Variants in PHF8 observed in about 807,000 individuals in gnomAD.
PHF8 encodes the protein PHD finger protein 8.
PHF8 carries 9 observed loss-of-function variants against 74.4 expected under a neutral mutation model. The ratio of observed to expected loss-of-function variants is 0.12; its 90% CI spans 0.07 to 0.21. The LOEUF is 0.21. PHF8 is among the 10% of genes least tolerant of loss of function. The probability of loss-of-function intolerance (pLI) is 1.00; values close to 1 mark genes in which losing one functional copy is unlikely to be tolerated. For synonymous variants in PHF8, 311 were observed against 316.6 expected, an observed-to-expected ratio of 0.98 and a Z score of 0.19; for missense variants, 478 against 816.6, an observed-to-expected ratio of 0.59 and a Z score of 5.05.
chrX:53,962,825 G>C lies in PHF8; in HGVS notation c.2539+19C>G. On this transcript the variant is annotated intron_variant, in intron 19 of 21. Coordinates refer to ENST00000338154, the MANE Select transcript of PHF8 (RefSeq NM_015107.3). ...CCTGACCACCCCTACAGAGTTTAAG[G>C]GACAAAATACTAGATTACCTTTAGG... 5 of 989,491 alleles carry C rather than the reference G, an allele frequency of 5.1e-6. No individual in the cohort carries two copies. Among genetic ancestry groups the C allele is most frequent in the Non-Finnish European group, 5.8e-6 (4 of 693,311 alleles). The allele number at this position is 989,491 out of a possible 1,213,427, so 81.5% of individuals were successfully genotyped here. A position where few individuals can be genotyped will look rare whatever the true frequency, so the allele number is the denominator to read the frequency against.
At chrX:53,986,754 G>A (rs781928145) in intron 16 of PHF8, among the ~76,000 whole-genome samples, 193 of 110,204 alleles carry the variant, frequency 1.8e-3, no homozygotes, top group African/African-American at 5.8e-3. Context: ...GCAACACAGC[G>A]AGACCCTATC....
chrX:54,022,395 G>A, intron 3 of PHF8, 28 bp from the exon 4 acceptor site: 1 of 956,022 alleles, frequency 1.0e-6, no homozygotes, highest in Non-Finnish European at 1.5e-6. Context: ...GAGAGATTGT[G>A]AGTCAGAACG....
At chrX:54,008,117 C>T (rs1361996250) in intron 8 of PHF8, among the ~76,000 whole-genome samples, 1 of 111,694 alleles carries the variant, frequency 9.0e-6, no homozygotes, top group Non-Finnish European at 1.9e-5. Flanking sequence ...ACCTGTAATC[C>T]CAGCACTTTG....
Position 54,043,991 on chromosome X carries a change from T to C in PHF8, c.-322A>G. On this transcript the variant is annotated 5_prime_UTR_variant, in exon 1 of 22. Transcript: ENST00000338154. ...GTTCCGGCCCCTACGGCGACGCGCG[T>C]CGAATTCTGGGATAGTCCCCGTACC... 1 of 754,707 alleles carries C rather than the reference T, an allele frequency of 1.3e-6. No homozygotes were observed. The highest frequency in any genetic ancestry group is 1.6e-6 in the Non-Finnish European group (1 of 639,320). The allele number at this position is 754,707 out of a possible 1,213,427, so 62.2% of individuals were successfully genotyped here.
At chrX:53,981,519 T>C (rs2065479393) in intron 18 of PHF8, among the ~76,000 whole-genome samples, 2 of 111,723 alleles carry the variant, frequency 1.8e-5, no homozygotes, top group Non-Finnish European at 3.8e-5. Flanking sequence ...CTGTTTTTTT[T>C]TTGTTTGTTT....
intron 8 of PHF8, among the ~76,000 whole-genome samples, chrX:54,002,883 C>A (rs2065846397): frequency 8.9e-6 from 1 of 111,755 alleles, no homozygotes; most frequent in Non-Finnish European, 1.9e-5. Context: ...AGATGCCACT[C>A]AGAACTATAT....
Position 53,938,954 on chromosome X carries a change from A to C in PHF8, c.*204T>G. The C allele has an allele frequency of 1.0e-6, 1 of 999,831 alleles. No individual in the cohort carries two copies. The highest frequency in any genetic ancestry group is 4.6e-5 in the Admixed American group (1 of 21,903). 82.4% of individuals were successfully genotyped at this position (999,831 alleles called of 1,213,427 possible). ...CCATTTACCTGCTCCTCAGTGGAGA[A>C]GGCAGGCAGGATGCTCTAGTGAAAG... On this transcript the variant is annotated 3_prime_UTR_variant, in exon 22 of 22. Coordinates refer to ENST00000338154, the MANE Select transcript of PHF8 (RefSeq NM_015107.3).
intron 8 of PHF8, among the ~76,000 whole-genome samples, chrX:54,010,129 TG>T (rs2065962272): frequency 9.1e-6 from 1 of 109,295 alleles, no homozygotes; most frequent in Admixed American, 9.9e-5. Flanking sequence ...AGACCAGCCA[TG>T]GCCAACATGG....
At chrX:53,969,145 G>A (rs1369885813) in intron 18 of PHF8, among the ~76,000 whole-genome samples, 1 of 110,451 alleles carries the variant, frequency 9.1e-6, no homozygotes, top group Non-Finnish European at 1.9e-5. Context: ...TGAGGTGAAA[G>A]GACCACTTGA....
intron 17 of PHF8, 143 bp from the exon 18 acceptor site, chrX:53,985,370 AT>A: frequency 3.7e-6 from 2 of 538,493 alleles, no homozygotes; most frequent in Non-Finnish European, 6.2e-6. Context: ...AAAGTGAAAA[AT>A]TTGGAATTAA....
intron 18 of PHF8, among the ~76,000 whole-genome samples, chrX:53,979,181 G>C (rs1230989291): frequency 8.9e-6 from 1 of 111,843 alleles, no homozygotes; most frequent in Non-Finnish European, 1.9e-5. Flanking sequence ...AGGAGTTTGA[G>C]ACCAGCCTGG....
intron 18 of PHF8, among the ~76,000 whole-genome samples, chrX:53,982,174 T>G (rs1450219696): frequency 8.9e-6 from 1 of 111,875 alleles, no homozygotes; most frequent in Non-Finnish European, 1.9e-5. Context: ...CTGCTCACAG[T>G]AGAGTGGGTG....
At chrX:54,020,049 G>A (rs1462982048) in intron 4 of PHF8, among the ~76,000 whole-genome samples, 1 of 109,891 alleles carries the variant, frequency 9.1e-6, no homozygotes, top group Non-Finnish European at 1.9e-5. Context: ...AGCCGGGCGT[G>A]GTGGCAGGCG....
rs782405350 is a variant in PHF8, at chrX:54,031,836, A to G, written c.99-8993T>C. Among the ~76,000 whole-genome samples the G allele has an allele frequency of 9.8e-5, 11 of 111,868 alleles. No homozygotes were observed. In the South Asian group the frequency reaches 3.7e-3, roughly 38 times the overall value. On this transcript the variant is annotated intron_variant, in intron 2 of 21. Coordinates refer to ENST00000338154, the MANE Select transcript of PHF8 (RefSeq NM_015107.3). ...ACCAAAGTTTCTCAGATTTTAGGGAATATTAGAAACACCTGGTAAGCTTGT... is the reference window on the plus strand; with the variant it reads ...ACCAAAGTTTCTCAGATTTTAGGGAGTATTAGAAACACCTGGTAAGCTTGT...
chrX:53,994,231 GAGA>G (rs1469396548), intron 12 of PHF8, among the ~76,000 whole-genome samples: 1 of 112,749 alleles, frequency 8.9e-6, no homozygotes, highest in African/African-American at 3.2e-5. Context: ...CAGGATTTGA[GAGA>G]AGGAGAGGTT....
intron 2 of PHF8, among the ~76,000 whole-genome samples, chrX:54,036,585 A>C (rs1237924907): frequency 9.5e-6 from 1 of 104,864 alleles, no homozygotes; most frequent in Non-Finnish European, 1.9e-5. Context: ...AAAAAAAAAA[A>C]AAAAAAAAAA....
At chrX:53,950,658 T>C (rs1674877579) in intron 19 of PHF8, among the ~76,000 whole-genome samples, 1 of 112,389 alleles carries the variant, frequency 8.9e-6, no homozygotes, top group Non-Finnish European at 1.9e-5. Flanking sequence ...TCAGGAAATC[T>C]GTGTCCAATC....
At chrX:53,943,922 T>C (rs2064791912) in intron 20 of PHF8, among the ~76,000 whole-genome samples, 1 of 112,125 alleles carries the variant, frequency 8.9e-6, no homozygotes. Context: ...TCCTGAATCA[T>C]GTCAACTGTG....
upstream of PHF8, among the ~76,000 whole-genome samples, chrX:54,047,350 G>A (rs188718144): frequency 1.2e-4 from 14 of 112,228 alleles, no homozygotes; most frequent in East Asian, 3.6e-3. Context: ...ACGCAGAAGA[G>A]AAAACAGATT....
Sources: allele counts gnomAD v4.1 joint callset (sites outside exome capture counted in the v4.1 genomes callset), GRCh38; gene constraint gnomAD v4.1.1; transcripts MANE v1.5; gene names NCBI Gene and HGNC (gene_info 2026-07-23, HGNC 2026-07-21).